The following OR52I2 variants were observed in gnomAD, a reference collection of about 807,000 sequenced individuals.
OR52I2 encodes the protein olfactory receptor 52I2.
For missense variants in OR52I2, 350 were observed against 402.4 expected (o/e 0.87, Z 1.11); for synonymous variants, 147 against 151.9 (o/e 0.97, Z 0.24).
At chr11:4,590,289 A>C (rs1846341190) in exon 2 of OR52I2, 1 of 152,226 alleles carries the variant, frequency 6.6e-6, no homozygotes, top group East Asian at 1.9e-4. Flanking sequence ...ATGTCAAGTA[A>C]AACAAAAGGA....
Position 4,586,964 on chromosome 11 carries a change from A to G in OR52I2, c.74A>G (p.Gln25Arg), listed in dbSNP as rs759935380. 1 of 1,614,040 alleles carries G rather than the reference A, an allele frequency of 6.2e-7. No homozygotes were observed. The highest frequency in any genetic ancestry group is 8.5e-7 in the Non-Finnish European group (1 of 1,180,004). ...CTCCTTGTGGGTATCCCAGGACTGC[A>G]ATCTTCACATCTTTGGCTGGCTATC... The change falls in exon 2 of 2, where the codon CAA becomes CGA. Residue 25 changes from glutamine (Q) to arginine (R), a missense_variant. Gln to Arg is a conservative substitution (Grantham distance 43). Transcript: ENST00000641896.
At chr11:4,587,523 G>A in exon 2 of OR52I2, 1 of 1,614,132 alleles carries the variant, frequency 6.2e-7, no homozygotes, top group Non-Finnish European at 8.5e-7. Flanking sequence ...CTCTTATGGT[G>A]GGCTCTGATG....
chr11:4,585,095 G>T (rs968282247), intron 1 of OR52I2, among the ~76,000 whole-genome samples: 1 of 152,118 alleles, frequency 6.6e-6, no homozygotes, highest in Non-Finnish European at 1.5e-5. Flanking sequence ...GGCTTGGTGC[G>T]TTTACATAAT....
Position 4,587,746 on chromosome 11 carries a change from G to A in OR52I2, c.856G>A (p.Val286Met), listed in dbSNP as rs147482652. The stretch of plus-strand genomic sequence containing the variant: ...CCAAGTCCTGCTAGCTGACCTGTAC[G>A]TGATCATCCCAGCCACCTTAAATCC... The change falls in exon 2 of 2, where the codon GTG becomes ATG. Residue 286 changes from valine to methionine, a missense_variant. Val to Met is a conservative substitution (Grantham distance 21, BLOSUM62 1). Transcript: ENST00000641896. 9.5e-5 allele frequency: 153 copies of A among 1,614,156 alleles called. 1 individual carries two copies. The highest frequency in any genetic ancestry group is 7.2e-4 in the African/African-American group (54 of 75,044).
At chr11:4,586,666 G>A in intron 1 of OR52I2, 1 of 691,224 alleles carries the variant, frequency 1.4e-6, no homozygotes, top group Non-Finnish European at 2.4e-6. Flanking sequence ...TAAGCCATGA[G>A]CTGATCCATG....
At chr11:4,588,367 GC>G (rs1171328330) in exon 2 of OR52I2, 29 of 159,066 alleles carry the variant, frequency 1.8e-4, no homozygotes, top group Admixed American at 3.5e-4. Flanking sequence ...TATAGCTTGT[GC>G]CTGTTGACTC....
intron 1 of OR52I2, among the ~76,000 whole-genome samples, chr11:4,584,965 T>G (rs1050014921): frequency 6.6e-6 from 1 of 152,212 alleles, no homozygotes. Context: ...AGCTACATTT[T>G]ATTGAGCACC....
exon 2 of OR52I2, chr11:4,590,802 T>A (rs1409074819): frequency 6.6e-6 from 1 of 152,236 alleles, no homozygotes; most frequent in Non-Finnish European, 1.5e-5. Context: ...TTCAAAAGCT[T>A]TCCCTTGTCT....
chr11:4,586,790 T>C (rs1213993748), intron 1 of OR52I2, 82 bp from the exon 2 acceptor site: 1 of 1,597,790 alleles, frequency 6.3e-7, no homozygotes. Flanking sequence ...GCTGAGAATA[T>C]CCTTAGGTTT....
At chr11:4,588,116 T>C in exon 2 of OR52I2, 1 of 483,912 alleles carries the variant, frequency 2.1e-6, no homozygotes, top group Non-Finnish European at 3.7e-6. Flanking sequence ...GAACTTATGT[T>C]TCCCTGCTCT....
At chr11:4,582,513 C>G (rs189279284) in intron 1 of OR52I2, among the ~76,000 whole-genome samples, 1 of 135,886 alleles carries the variant, frequency 7.4e-6, no homozygotes, top group East Asian at 2.2e-4. Flanking sequence ...GATCTTGGCT[C>G]ACTGCAGCCT....
At chr11:4,586,663 T>A (rs1846303623) in intron 1 of OR52I2, 1 of 680,018 alleles carries the variant, frequency 1.5e-6, no homozygotes, top group Admixed American at 2.8e-5. Flanking sequence ...AGGTAAGCCA[T>A]GAGCTGATCC....
chr11:4,587,962 G>T, exon 2 of OR52I2: 1 of 979,112 alleles, frequency 1.0e-6, no homozygotes, highest in Non-Finnish European at 1.6e-6. Flanking sequence ...AGATGAAGGT[G>T]TAAAGGATAT....
At chr11:4,590,765 T>C (rs1846344803) in exon 2 of OR52I2, 1 of 152,220 alleles carries the variant, frequency 6.6e-6, no homozygotes, top group Non-Finnish European at 1.5e-5. Flanking sequence ...CCCTGATTTT[T>C]TCTTTCACTC....
chr11:4,586,962 G>A (rs777156929), exon 2 of OR52I2: 3 of 1,613,992 alleles, frequency 1.9e-6, no homozygotes, highest in Non-Finnish European at 2.5e-6. Flanking sequence ...TCCCAGGACT[G>A]CAATCTTCAC....
At chr11:4,583,201 G>A (rs1027397607) in intron 1 of OR52I2, among the ~76,000 whole-genome samples, 1 of 151,958 alleles carries the variant, frequency 6.6e-6, no homozygotes, top group African/African-American at 2.4e-5. Flanking sequence ...CAAATATCCT[G>A]TTCTTTGAAA....
At chr11:4,585,608 G>A (rs567978594) in intron 1 of OR52I2, among the ~76,000 whole-genome samples, 2 of 152,252 alleles carry the variant, frequency 1.3e-5, no homozygotes, top group South Asian at 2.1e-4. Flanking sequence ...ATCAACAAGC[G>A]GTAGAGCTCA....
At chr11:4,593,314 A>T (rs1846368077) in exon 2 of OR52I2, 1 of 154,408 alleles carries the variant, frequency 6.5e-6, no homozygotes, top group African/African-American at 2.4e-5. Context: ...CAAAGTGAAT[A>T]GGATCCAGGG....
At chr11:4,588,194 TA>T in exon 2 of OR52I2, 1 of 287,170 alleles carries the variant, frequency 3.5e-6, no homozygotes, top group Non-Finnish European at 6.5e-6. Context: ...CACCAACTCT[TA>T]AAATGAAAGA....
Sources: allele counts gnomAD v4.1 joint callset (sites outside exome capture counted in the v4.1 genomes callset), GRCh38; gene constraint gnomAD v4.1.1; transcripts MANE v1.5; gene names NCBI Gene and HGNC (gene_info 2026-07-23, HGNC 2026-07-21).